Variants in RAB43 observed in about 807,000 individuals in gnomAD.
RAB43 encodes ras-related protein Rab-43.
RAB43 carries 6 observed loss-of-function variants against 18.8 expected under a neutral mutation model. That is an observed-to-expected ratio of 0.32 (90% CI 0.17 to 0.63). RAB43 has a LOEUF of 0.63. Among genes scored for constraint, RAB43 ranks in the 30% least tolerant of loss-of-function variants. The probability of loss-of-function intolerance (pLI) is 0.79; values close to 1 mark genes in which losing one functional copy is unlikely to be tolerated. For synonymous variants in RAB43, 103 were observed against 124.1 expected (o/e 0.83, Z 1.13); for missense variants, 195 against 289.1 (o/e 0.67, Z 2.36).
rs1289628494 is a variant in RAB43, at chr3:129,095,577, C to G, written c.205-408G>C. On this transcript the variant is annotated intron_variant, in intron 1 of 2. Transcript: ENST00000315150. The surrounding 1 kb of genome is among the most constrained non-coding windows in gnomAD (Gnocchi z 4.2). ...CAGTAGGCACGGCCAGGTACCCTCC[C>G]CTACAAGAGCATCACGTACCCAGCT... 6.6e-6 allele frequency among the ~76,000 whole-genome samples: 1 copy of G among 152,216 alleles called. No individual in the cohort carries two copies. Among genetic ancestry groups the G allele is most frequent in the Non-Finnish European group, 1.5e-5 (1 of 68,026 alleles).
At chr3:129,119,512 G>T (rs750610660) in intron 1 of RAB43, among the ~76,000 whole-genome samples, 81 of 152,292 alleles carry the variant, frequency 5.3e-4, no homozygotes, top group Non-Finnish European at 4.0e-4. Context: ...GTGAGCGGGG[G>T]TAAGAATTCC....
At chr3:129,118,926 C>G (rs1274390166) in intron 1 of RAB43, among the ~76,000 whole-genome samples, 1 of 152,204 alleles carries the variant, frequency 6.6e-6, no homozygotes, top group Non-Finnish European at 1.5e-5. Flanking sequence ...TAAAATCACA[C>G]TGCTGAAACT....
At chr3:129,121,895 C>G (rs1185589501), upstream of RAB43, 1 of 150,336 alleles carries the variant, frequency 6.7e-6, no homozygotes, top group East Asian at 2.0e-4. Context: ...ACCCTCGGGC[C>G]CACCTCAGCC....
At chr3:129,101,407 A>C (rs1934405746) in intron 1 of RAB43, among the ~76,000 whole-genome samples, 1 of 152,206 alleles carries the variant, frequency 6.6e-6, no homozygotes, top group Non-Finnish European at 1.5e-5. Flanking sequence ...GGGATATAGC[A>C]GGGAACGGAG....
At chr3:129,108,806 G>A (rs1934951898) in intron 1 of RAB43, among the ~76,000 whole-genome samples, 1 of 152,128 alleles carries the variant, frequency 6.6e-6, no homozygotes, top group Non-Finnish European at 1.5e-5. Context: ...AACAGAAATG[G>A]AGAAAGCTGG....
chr3:129,103,993 T>C (rs1262946681), intron 1 of RAB43, among the ~76,000 whole-genome samples: 2 of 152,252 alleles, frequency 1.3e-5, no homozygotes, highest in East Asian at 3.8e-4. Context: ...TTACTTTCTC[T>C]GCCTCATGAG....
intron 2 of RAB43, among the ~76,000 whole-genome samples, chr3:129,091,939 C>G (rs1298278065): frequency 6.6e-6 from 1 of 150,832 alleles, no homozygotes; most frequent in African/African-American, 2.4e-5. Flanking sequence ...GGCGTGGTGG[C>G]GGGGGCCTGT....
intron 1 of RAB43, among the ~76,000 whole-genome samples, chr3:129,110,246 C>T (rs1288642197): frequency 3.3e-5 from 5 of 152,148 alleles, no homozygotes; most frequent in African/African-American, 9.7e-5. Flanking sequence ...ATATTTCCAA[C>T]TTACTAGAAG....
intron 1 of RAB43, among the ~76,000 whole-genome samples, chr3:129,116,648 G>A (rs1339218653): frequency 1.3e-5 from 2 of 152,162 alleles, no homozygotes; most frequent in East Asian, 3.8e-4. Context: ...TGAGAGTCAA[G>A]GCCAAAGGTC....
At chr3:129,111,332 T>C (rs1253562868) in intron 1 of RAB43, among the ~76,000 whole-genome samples, 4 of 151,874 alleles carry the variant, frequency 2.6e-5, no homozygotes, top group Admixed American at 2.0e-4. Context: ...CTGGCCAACA[T>C]GGTGAAACCT....
At chr3:129,098,613 G>A (rs549537083) in intron 1 of RAB43, among the ~76,000 whole-genome samples, 160 of 152,262 alleles carry the variant, frequency 1.1e-3, no homozygotes, top group African/African-American at 3.7e-3. Flanking sequence ...TTAGTAGGGA[G>A]ACTTTAAAGC....
chr3:129,097,213 G>A (rs918370044), intron 1 of RAB43, among the ~76,000 whole-genome samples: 3 of 152,182 alleles, frequency 2.0e-5, no homozygotes, highest in Non-Finnish European at 2.9e-5. Flanking sequence ...TCAAGGAGAG[G>A]AAATCAAGTA....
chr3:129,094,812 C>T (rs1451480010), intron 2 of RAB43, among the ~76,000 whole-genome samples, 174 bp downstream of exon 2: 1 of 152,046 alleles, frequency 6.6e-6, no homozygotes, highest in African/African-American at 2.4e-5. Context: ...CCACCGTGCC[C>T]GGCCTTGAAT....
At chr3:129,105,223 T>G (rs930146229) in intron 1 of RAB43, among the ~76,000 whole-genome samples, 3 of 152,080 alleles carry the variant, frequency 2.0e-5, no homozygotes, top group African/African-American at 7.2e-5. Context: ...GAGGCTGAGG[T>G]GGGCAGATTA....
chr3:129,091,766 A>C (rs903331251), intron 2 of RAB43, among the ~76,000 whole-genome samples: 1 of 144,106 alleles, frequency 6.9e-6, no homozygotes, highest in Non-Finnish European at 1.5e-5. Flanking sequence ...TAAGGAAGAC[A>C]AAAAAAAAAA....
chr3:129,114,041 A>C (rs1166414039), intron 1 of RAB43, among the ~76,000 whole-genome samples: 1 of 152,146 alleles, frequency 6.6e-6, no homozygotes, highest in East Asian at 1.9e-4. Context: ...CGAAAGAAAA[A>C]AAAAAGAAAG....
rs1324140451 is a variant in RAB43, at chr3:129,121,276, G to A, written c.204+10C>T. Reference sequence around the variant, plus strand: ...GGAGCGCCTTCCAGGGGCCCTGGCCGGCCTCCCACCTTGACCCGCTTGCCC... The same window carrying A: ...GGAGCGCCTTCCAGGGGCCCTGGCCAGCCTCCCACCTTGACCCGCTTGCCC... On this transcript the variant is annotated intron_variant, in intron 1 of 2. Transcript: ENST00000315150. The A allele has an allele frequency of 3.1e-6, 5 of 1,592,496 alleles. No individual in the cohort carries two copies. The Admixed American group carries it at 7.0e-5, about 22-fold the overall frequency.
intron 1 of RAB43, among the ~76,000 whole-genome samples, chr3:129,110,902 T>C (rs1243757876): frequency 6.6e-6 from 1 of 152,120 alleles, no homozygotes; most frequent in Non-Finnish European, 1.5e-5. Context: ...AAGATTTTTT[T>C]TTTTTTTAAG....
intron 1 of RAB43, among the ~76,000 whole-genome samples, chr3:129,104,221 A>C (rs1288869114): frequency 6.6e-6 from 1 of 152,206 alleles, no homozygotes; most frequent in Non-Finnish European, 1.5e-5. Context: ...AAACAACCTT[A>C]AACTGCTGAA....
Sources: gnomAD v4.1 joint callset for allele counts (sites outside exome capture counted in the v4.1 genomes callset) on GRCh38, gnomAD v4.1.1 for gene constraint, Gnocchi (gnomAD v3.1) non-coding constraint, MANE v1.5 for transcripts, NCBI Gene and HGNC (gene_info 2026-07-23, HGNC 2026-07-21) for gene names.